FAM3B: variants seen among roughly 807,000 people sequenced by gnomAD.
FAM3B encodes the protein FAM3 metabolism regulating signaling molecule B, also known as protein FAM3B.
Under a neutral mutation model 28.4 loss-of-function variants are expected in FAM3B, and 29 were observed. The observed-to-expected ratio is 1.02, with a 90% CI of 0.76 to 1.39. FAM3B has a LOEUF of 1.39. FAM3B is among the 40% of genes most tolerant of loss of function. The probability of loss-of-function intolerance (pLI) is 0.00; values close to 1 mark genes in which losing one functional copy is unlikely to be tolerated. For synonymous variants in FAM3B, 91 were observed against 103.0 expected (o/e 0.88, Z 0.71); for missense variants, 266 against 293.9 (o/e 0.91, Z 0.69).
intron 3 of FAM3B, among the ~76,000 whole-genome samples, chr21:41,344,269 G>A (rs959208944): frequency 1.3e-5 from 2 of 152,274 alleles, no homozygotes; most frequent in Non-Finnish European, 2.9e-5. Flanking sequence ...GGTCCCCTGA[G>A]GGACTGAGTC....
intron 2 of FAM3B, among the ~76,000 whole-genome samples, chr21:41,328,452 A>T (rs956573901): frequency 2.6e-5 from 4 of 152,202 alleles, no homozygotes; most frequent in African/African-American, 7.2e-5. Flanking sequence ...GCACGTTTTC[A>T]TATGAGCAAT....
At chr21:41,356,036 T>TAC (rs1376296037) in intron 7 of FAM3B, among the ~76,000 whole-genome samples, 6 of 104,820 alleles carry the variant, frequency 5.7e-5, no homozygotes, top group African/African-American at 8.3e-5. Context: ...GGGAAAAAAA[T>TAC]ACATACACAC....
rs762211105 is a variant in FAM3B at position 41,323,028 on chromosome 21, A to G, written c.125A>G (p.Tyr42Cys). 4.4e-6 allele frequency: 7 copies of G among 1,608,874 alleles called. No homozygotes were observed. The highest frequency in any genetic ancestry group is 1.1e-5 in the South Asian group (1 of 91,082). The change falls in exon 2 of 8, where the codon TAT (tyrosine) becomes TGT (cysteine). Residue 42 changes from tyrosine (Y) to cysteine (C), a missense_variant. Tyr to Cys is a radical substitution (Grantham distance 194). Coordinates refer to ENST00000357985, the MANE Select transcript of FAM3B (RefSeq NM_058186.4). ...IPDAPLSSAA[Y>C]SIRSIGERPV... is the part of the protein sequence containing the mutation. ...GATGCACCCCTGTCCAGTGCTGCCTATAGCATCCGCAGCATCGGGGAGAGG... is the reference window on the plus strand; with the variant it reads ...GATGCACCCCTGTCCAGTGCTGCCTGTAGCATCCGCAGCATCGGGGAGAGG...
intron 3 of FAM3B, among the ~76,000 whole-genome samples, chr21:41,342,522 T>A (rs1345008910): frequency 2.0e-5 from 3 of 152,222 alleles, no homozygotes; most frequent in Admixed American, 2.0e-4. Flanking sequence ...GTATTTTCCA[T>A]TTGTTTACCT....
chr21:41,352,205 C>T (rs751416078), intron 7 of FAM3B, among the ~76,000 whole-genome samples: 81 of 152,232 alleles, frequency 5.3e-4, no homozygotes, highest in Admixed American at 4.4e-3. Context: ...TACCCTGCAG[C>T]GCTTTGCCAC....
intron 1 of FAM3B, among the ~76,000 whole-genome samples, chr21:41,307,002 G>T (rs965129627): frequency 1.3e-5 from 2 of 152,190 alleles, no homozygotes; most frequent in Non-Finnish European, 2.9e-5. Context: ...AAAAGAGTTA[G>T]CCTGTCTCTG....
upstream of FAM3B, among the ~76,000 whole-genome samples, chr21:41,312,181 T>G (rs1024491668): frequency 2.0e-5 from 3 of 152,236 alleles, no homozygotes; most frequent in African/African-American, 7.2e-5. Context: ...TATTATTATT[T>G]GATACTGTAC....
chr21:41,310,904 T>C lies in FAM3B; in HGVS notation n.99+6594T>C, dbSNP rs138868493. On this transcript the variant is annotated intron_variant and non_coding_transcript_variant, in intron 1 of 9. Transcript: ENST00000479810. ...TAACAGTTCCTAAAAGGATATTTTT[T>C]CCCCATTTCACGTATTTTTTTAAAA... 4.4e-4 allele frequency among the ~76,000 whole-genome samples: 67 copies of C among 152,294 alleles called. No individual in the cohort carries two copies. In the East Asian group the frequency reaches 0.012, roughly 27 times the overall value.
chr21:41,343,923 C>T (rs920242524), intron 3 of FAM3B, among the ~76,000 whole-genome samples: 1 of 152,074 alleles, frequency 6.6e-6, no homozygotes. Flanking sequence ...TTCAAGACCG[C>T]CCTGAGCAGT....
At chr21:41,312,743 G>C (rs2088722390), upstream of FAM3B, among the ~76,000 whole-genome samples, 1 of 152,040 alleles carries the variant, frequency 6.6e-6, no homozygotes, top group South Asian at 2.1e-4. Context: ...GTGTGTGTGT[G>C]TGTGTGTGTA....
intron 1 of FAM3B, 124 bp downstream of exon 1, chr21:41,317,022 G>C: frequency 1.1e-6 from 1 of 879,490 alleles, no homozygotes; most frequent in Non-Finnish European, 1.5e-6. Flanking sequence ...CTGGTTCTTG[G>C]CGCCGAGGCT....
intron 1 of FAM3B, among the ~76,000 whole-genome samples, chr21:41,309,199 G>T (rs2088697489): frequency 6.6e-6 from 1 of 152,218 alleles, no homozygotes; most frequent in South Asian, 2.1e-4. Context: ...CTAGTTAGAT[G>T]ATCCTGTAAA....
In FAM3B at chr21:41,338,422, C is replaced by G; in HGVS notation, c.208C>G (p.Pro70Ala). ...AAAATGTGACCACTGGACTCCCTGCCCATCTGACACCTATGCCTACAGGTT... is the reference window on the plus strand; with the variant it reads ...AAAATGTGACCACTGGACTCCCTGCGCATCTGACACCTATGCCTACAGGTT... Reference protein sequence around the residue: ...RQKCDHWTPCPSDTYAYRLLS... With the variant: ...RQKCDHWTPCASDTYAYRLLS... Residue 70 changes from proline (P) to alanine (A), a missense_variant, in exon 3 of 8, where the codon CCA (proline) becomes GCA (alanine). Coordinates refer to ENST00000357985, the MANE Select transcript of FAM3B (RefSeq NM_058186.4). 1 of 1,614,154 alleles carries G rather than the reference C, an allele frequency of 6.2e-7. No individual in the cohort carries two copies. Among genetic ancestry groups the G allele is most frequent in the Non-Finnish European group, 8.5e-7 (1 of 1,180,028 alleles).
At position 41,316,848 on chromosome 21, in the gene FAM3B, G is replaced by A; in HGVS notation, c.-32G>A. ...TGGCTGCGGTCGCCTGGGAGCTGCCGCCAGGGCCAGGAGGGGAGCGGCACC... is the reference window on the plus strand; with the variant it reads ...TGGCTGCGGTCGCCTGGGAGCTGCCACCAGGGCCAGGAGGGGAGCGGCACC... On this transcript the variant is annotated 5_prime_UTR_variant, in exon 1 of 8. Coordinates refer to ENST00000357985, the MANE Select transcript of FAM3B (RefSeq NM_058186.4). The A allele has an allele frequency of 7.0e-7, 1 of 1,436,002 alleles. No individual in the cohort carries two copies. The highest frequency in any genetic ancestry group is 9.1e-7 in the Non-Finnish European group (1 of 1,097,684). 89.0% of individuals were successfully genotyped at this position (1,436,002 alleles called of 1,614,324 possible). A position where few individuals can be genotyped will look rare whatever the true frequency, so the allele number is the denominator to read the frequency against.
intron 2 of FAM3B, among the ~76,000 whole-genome samples, chr21:41,327,801 T>C (rs546984028): frequency 1.4e-3 from 219 of 152,364 alleles, no homozygotes; most frequent in Non-Finnish European, 2.4e-3. Context: ...GCTGCTGCCA[T>C]ACTGTTGTCC....
rs775477776 is a variant in FAM3B at position 41,357,189 on chromosome 21, C to T, written c.700C>T (p.Arg234Ter). ...IQIEGCIPKE[R>*]S Reference sequence around the variant, plus strand: ...GATAGAAGGCTGCATACCCAAAGAACGAAGCTGACACTGCAGGGTCCTGAG... The same window carrying T: ...GATAGAAGGCTGCATACCCAAAGAATGAAGCTGACACTGCAGGGTCCTGAG... The change falls in exon 8 of 8, where the codon CGA (arginine) becomes TGA (stop). Residue 234 changes from arginine (R) to a stop codon, truncating the protein, a stop_gained. Transcript: ENST00000357985. LOFTEE classifies it high-confidence loss of function. 27 of 1,611,010 alleles carry T rather than the reference C, an allele frequency of 1.7e-5. No homozygotes were observed. Among genetic ancestry groups the T allele is most frequent in the Middle Eastern group, 1.6e-4 (1 of 6,080 alleles).
At chr21:41,305,388 TC>T (rs1436600766) in intron 1 of FAM3B, among the ~76,000 whole-genome samples, 1 of 152,212 alleles carries the variant, frequency 6.6e-6, no homozygotes, top group African/African-American at 2.4e-5. Context: ...CCCATGGATT[TC>T]AGAAATACGT....
chr21:41,350,065 C>T (rs1186160199), intron 7 of FAM3B, among the ~76,000 whole-genome samples: 1 of 152,230 alleles, frequency 6.6e-6, no homozygotes. Flanking sequence ...TGGACCCACA[C>T]TGAGGGCAAG....
At chr21:41,330,254 A>G (rs2088893202) in intron 2 of FAM3B, among the ~76,000 whole-genome samples, 1 of 152,178 alleles carries the variant, frequency 6.6e-6, no homozygotes, top group Non-Finnish European at 1.5e-5. Flanking sequence ...GGAAATATTC[A>G]TCAGAGCGTT....
Sources: gnomAD v4.1 joint callset for allele counts (sites outside exome capture counted in the v4.1 genomes callset) on GRCh38, gnomAD v4.1.1 for gene constraint, MANE v1.5 for transcripts, NCBI Gene and HGNC (gene_info 2026-07-23, HGNC 2026-07-21) for gene names.